KCNIP4: variants seen among roughly 807,000 people sequenced by gnomAD.
KCNIP4 encodes Kv channel-interacting protein 4.
KCNIP4 carries 12 observed loss-of-function variants against 34.0 expected under a neutral mutation model. The observed-to-expected ratio is 0.35, with a 90% CI of 0.23 to 0.57. The LOEUF (loss-of-function observed/expected upper bound fraction) is 0.57, where lower values mean the gene tolerates loss of function less well. Ranked by LOEUF, KCNIP4 falls within the 20% of genes least tolerant of loss-of-function variation. KCNIP4 has a pLI of 0.83. For missense variants in KCNIP4, 238 were observed against 311.7 expected (o/e 0.76, Z 1.78); for synonymous variants, 124 against 102.2 (o/e 1.21, Z -1.29).
chr4:21,384,884 CA>C (rs1163561645), intron 1 of KCNIP4, among the ~76,000 whole-genome samples: 2 of 152,170 alleles, frequency 1.3e-5, no homozygotes. Flanking sequence ...AAATTGCAGC[CA>C]AATACCATTA....
At chr4:21,365,124 A>G (rs1270778763) in intron 1 of KCNIP4, among the ~76,000 whole-genome samples, 1 of 152,192 alleles carries the variant, frequency 6.6e-6, no homozygotes, top group African/African-American at 2.4e-5. Flanking sequence ...AAAGACTAAC[A>G]TGATTATCTC....
chr4:21,195,002 G>A (rs1755953652), intron 1 of KCNIP4, among the ~76,000 whole-genome samples: 2 of 152,168 alleles, frequency 1.3e-5, no homozygotes, highest in South Asian at 4.1e-4. Context: ...TGACCCATGG[G>A]TTAGATCTCA....
chr4:21,559,266 G>C (rs1177110924), intron 1 of KCNIP4, among the ~76,000 whole-genome samples: 5 of 152,152 alleles, frequency 3.3e-5, no homozygotes, highest in African/African-American at 1.2e-4. Flanking sequence ...TGTCGGGCTA[G>C]AGTGGAACTT....
In KCNIP4 at chr4:21,538,011, C is replaced by CAAAA. The variant is rs71191517; in HGVS notation, c.61+410556_61+410559dup. Among the ~76,000 whole-genome samples, 5 of 51,266 alleles carry CAAAA rather than the reference C, an allele frequency of 9.8e-5. 1 individual carries two copies. Among genetic ancestry groups the CAAAA allele is most frequent in the African/African-American group, 1.5e-4 (2 of 13,114 alleles). The allele number at this position is 51,266 out of a possible 152,430, so 33.6% of individuals were successfully genotyped here. On this transcript the variant is annotated intron_variant, in intron 1 of 8. Coordinates refer to ENST00000382152, the MANE Select transcript of KCNIP4 (RefSeq NM_025221.6). ...TAGGTGACAGAGTGAGATTCCGTCT[C>CAAAA]AAAAAAAAAAAAAAAAAAAAAAAAA...
At chr4:21,418,860 G>A (rs1577331325) in intron 1 of KCNIP4, among the ~76,000 whole-genome samples, 1 of 152,158 alleles carries the variant, frequency 6.6e-6, no homozygotes, top group East Asian at 1.9e-4. Context: ...TTCATAAAGA[G>A]TTGTTTCCCT....
At chr4:21,686,653 A>T (rs1424285596) in intron 1 of KCNIP4, among the ~76,000 whole-genome samples, 2 of 152,158 alleles carry the variant, frequency 1.3e-5, no homozygotes, top group Non-Finnish European at 2.9e-5. Context: ...AGTTAGAGAG[A>T]ATTCACACTT....
chr4:20,864,160 A>C (rs1487097069), intron 2 of KCNIP4, among the ~76,000 whole-genome samples: 3 of 120,386 alleles, frequency 2.5e-5, no homozygotes, highest in Non-Finnish European at 6.2e-5. Flanking sequence ...GTATGCATAC[A>C]CATGTATGTA....
At chr4:21,245,541 T>C (rs1331256425) in intron 1 of KCNIP4, among the ~76,000 whole-genome samples, 1 of 152,214 alleles carries the variant, frequency 6.6e-6, no homozygotes, top group East Asian at 1.9e-4. Context: ...GAATAATAAA[T>C]ACTTGTTGAA....
intron 1 of KCNIP4, among the ~76,000 whole-genome samples, chr4:21,442,771 C>A (rs1039899507): frequency 6.6e-6 from 1 of 152,142 alleles, no homozygotes; most frequent in African/African-American, 2.4e-5. Context: ...ATCTTGATGA[C>A]CTTATCCAGT....
chr4:21,471,637 G>A (rs543656058), intron 1 of KCNIP4, among the ~76,000 whole-genome samples: 2 of 152,284 alleles, frequency 1.3e-5, no homozygotes, highest in South Asian at 2.1e-4. Flanking sequence ...GAATGAGACA[G>A]TAAACAATGG....
chr4:21,612,864 A>G (rs1263954935), intron 1 of KCNIP4, among the ~76,000 whole-genome samples: 1 of 152,252 alleles, frequency 6.6e-6, no homozygotes, highest in East Asian at 1.9e-4. Flanking sequence ...AAAGAGTACT[A>G]TGCAAAAACA....
chr4:21,315,310 T>G (rs922546978), intron 1 of KCNIP4: 1 of 155,648 alleles, frequency 6.4e-6, no homozygotes, highest in African/African-American at 2.4e-5. Flanking sequence ...GATGAAAGCC[T>G]TTATGATGAT....
chr4:21,215,074 C>G (rs1478566226), intron 1 of KCNIP4, among the ~76,000 whole-genome samples: 1 of 152,032 alleles, frequency 6.6e-6, no homozygotes, highest in African/African-American at 2.4e-5. Context: ...TATTGACAGC[C>G]AATTTATCTA....
rs35630701 is a variant in KCNIP4 at position 21,789,070 on chromosome 4, CAAAAAAAA to C, written c.61+159493_61+159500del. 9.6e-5 allele frequency among the ~76,000 whole-genome samples: 9 copies of C among 93,942 alleles called. 1 individual carries two copies. The highest frequency in any genetic ancestry group is 1.4e-4 in the Non-Finnish European group (7 of 48,874). The allele number at this position is 93,942 out of a possible 152,430, so 61.6% of individuals were successfully genotyped here. A position where few individuals can be genotyped will look rare whatever the true frequency, so the allele number is the denominator to read the frequency against. ...CCTGGGCAACAGAGCGAGATTCTGT[CAAAAAAAA>C]AAAAAAAAAAAAAGTCTAGCTGAGG... On this transcript the variant is annotated intron_variant, in intron 1 of 8. Transcript: ENST00000382152.
At chr4:21,816,926 T>G (rs767290665) in intron 1 of KCNIP4, among the ~76,000 whole-genome samples, 6 of 152,202 alleles carry the variant, frequency 3.9e-5, no homozygotes, top group Non-Finnish European at 8.8e-5. Context: ...TTGAGGATCA[T>G]GACAATAGCA....
At chr4:20,925,827 G>A (rs760137487) in intron 1 of KCNIP4, among the ~76,000 whole-genome samples, 3 of 152,178 alleles carry the variant, frequency 2.0e-5, no homozygotes, top group Non-Finnish European at 4.4e-5. Context: ...CACATGGGGC[G>A]AAGTTCAGAG....
At chr4:21,447,832 T>C (rs1728163601) in intron 1 of KCNIP4, among the ~76,000 whole-genome samples, 1 of 152,152 alleles carries the variant, frequency 6.6e-6, no homozygotes, top group African/African-American at 2.4e-5. Context: ...CAGGTAGCTA[T>C]ACAGCATGGA....
intron 1 of KCNIP4, among the ~76,000 whole-genome samples, chr4:21,236,573 T>C (rs1008048640): frequency 1.3e-5 from 2 of 152,156 alleles, no homozygotes; most frequent in Non-Finnish European, 2.9e-5. Context: ...TGTTTCAAGA[T>C]GAAATGTCAG....
chr4:21,302,700 C>T (rs991780668), intron 1 of KCNIP4, among the ~76,000 whole-genome samples: 3 of 152,106 alleles, frequency 2.0e-5, no homozygotes, highest in Non-Finnish European at 4.4e-5. Flanking sequence ...CATCCCCCGC[C>T]TCCTGCGCCC....
Sources: gnomAD v4.1 joint callset for allele counts (sites outside exome capture counted in the v4.1 genomes callset) on GRCh38, gnomAD v4.1.1 for gene constraint, MANE v1.5 for transcripts, NCBI Gene and HGNC (gene_info 2026-07-23, HGNC 2026-07-21) for gene names.